Variants in PDE7A observed in about 807,000 individuals in gnomAD.
PDE7A encodes high affinity 3',5'-cyclic-AMP phosphodiesterase 7A.
A neutral mutation model predicts 64.3 loss-of-function variants in PDE7A; 39 were observed. The observed-to-expected ratio is 0.61, with a 90% CI of 0.47 to 0.79. PDE7A has a LOEUF of 0.79. PDE7A is among the 30% of genes least tolerant of loss of function. PDE7A has a pLI of 0.00. For synonymous variants in PDE7A, 203 were observed against 206.8 expected (o/e 0.98, Z 0.16); for missense variants, 470 against 582.8 (o/e 0.81, Z 1.99).
Position 65,841,567 on chromosome 8 carries a change from C to T in PDE7A, c.-59G>A, listed in dbSNP as rs564107236. On this transcript the variant is annotated 5_prime_UTR_variant, in exon 1 of 13. Transcript: ENST00000401827. ...GCCCTGCCGCGGCCGCCGGCCCCTGCAGTGGGAGGGGGCCGCGGCTCGGGG... is the reference window on the plus strand; with the variant it reads ...GCCCTGCCGCGGCCGCCGGCCCCTGTAGTGGGAGGGGGCCGCGGCTCGGGG... 108 of 1,144,272 alleles carry T rather than the reference C, an allele frequency of 9.4e-5. No homozygotes were observed. The African/African-American group carries it at 1.6e-3, about 17-fold the overall frequency. The allele number at this position is 1,144,272 out of a possible 1,614,324, so 70.9% of individuals were successfully genotyped here.
intron 1 of PDE7A, among the ~76,000 whole-genome samples, chr8:65,827,748 C>G (rs1275287990): frequency 3.9e-5 from 6 of 152,162 alleles, no homozygotes; most frequent in African/African-American, 1.4e-4. Flanking sequence ...TACAGGTTTG[C>G]AGCCTAGAAG....
intron 1 of PDE7A, among the ~76,000 whole-genome samples, chr8:65,789,408 T>G (rs1809642135): frequency 6.6e-6 from 1 of 152,244 alleles, no homozygotes; most frequent in African/African-American, 2.4e-5. Context: ...CCTGTGACAT[T>G]TTAAAATATT....
At position 65,724,125 on chromosome 8, in the gene PDE7A, T is replaced by C. The variant is rs1010491727; in HGVS notation, c.1162+130A>G. 7 of 588,452 alleles carry C rather than the reference T, an allele frequency of 1.2e-5. No individual in the cohort carries two copies. The African/African-American group carries it at 1.3e-4, about 11-fold the overall frequency. 36.5% of individuals were successfully genotyped at this position (588,452 alleles called of 1,614,324 possible). ...TTTGTATTGATTAGATGTATATCTATTGTGAATTGTTACTAAAAATGTCAA... is the reference window on the plus strand; with the variant it reads ...TTTGTATTGATTAGATGTATATCTACTGTGAATTGTTACTAAAAATGTCAA... On this transcript the variant is annotated intron_variant, in intron 11 of 12. Transcript: ENST00000401827.
intron 7 of PDE7A, 135 bp downstream of exon 7, chr8:65,734,659 A>G: frequency 1.7e-6 from 1 of 587,326 alleles, no homozygotes; most frequent in Non-Finnish European, 3.1e-6. Flanking sequence ...CAGAAACTTG[A>G]TCCAGCTAGA....
intron 1 of PDE7A, among the ~76,000 whole-genome samples, chr8:65,798,905 C>A (rs1407139312): frequency 6.6e-6 from 1 of 152,122 alleles, no homozygotes; most frequent in Non-Finnish European, 1.5e-5. Context: ...GAATACTACT[C>A]AGCAATAAGA....
intron 3 of PDE7A, among the ~76,000 whole-genome samples, chr8:65,754,939 T>G (rs980535297): frequency 3.3e-5 from 5 of 149,762 alleles, no homozygotes; most frequent in African/African-American, 1.2e-4. Flanking sequence ...CACTCCAGCC[T>G]GGCGACAGAG....
chr8:65,748,982 T>G (rs1310142110), intron 3 of PDE7A, among the ~76,000 whole-genome samples: 3 of 152,202 alleles, frequency 2.0e-5, no homozygotes, highest in Non-Finnish European at 4.4e-5. Flanking sequence ...CATCTTAATA[T>G]GAACTTCATT....
intron 7 of PDE7A, among the ~76,000 whole-genome samples, chr8:65,729,721 C>T (rs1298737212): frequency 1.3e-5 from 2 of 150,288 alleles, no homozygotes; most frequent in Non-Finnish European, 3.0e-5. Context: ...TACCACCATG[C>T]CTGACTTTTT....
intron 1 of PDE7A, among the ~76,000 whole-genome samples, chr8:65,805,992 C>T (rs1043170966): frequency 1.3e-5 from 2 of 152,142 alleles, no homozygotes; most frequent in Admixed American, 6.6e-5. Context: ...TAAAGCTGCA[C>T]CTAGCACTGT....
intron 5 of PDE7A, among the ~76,000 whole-genome samples, chr8:65,744,566 T>TA (rs1807587689): frequency 6.6e-6 from 1 of 152,142 alleles, no homozygotes; most frequent in Admixed American, 6.5e-5. Context: ...AAACCACCCA[T>TA]ACTCTGTAGA....
intron 3 of PDE7A, among the ~76,000 whole-genome samples, chr8:65,756,124 A>G (rs1158831615): frequency 2.0e-5 from 3 of 152,234 alleles, no homozygotes; most frequent in East Asian, 3.8e-4. Context: ...TTAATGAGAA[A>G]TCAGCTATTA....
intron 1 of PDE7A, among the ~76,000 whole-genome samples, chr8:65,792,386 T>C (rs1400522956): frequency 6.6e-6 from 1 of 152,248 alleles, no homozygotes; most frequent in Non-Finnish European, 1.5e-5. Flanking sequence ...AAAATATGAC[T>C]TTGTTCATTG....
chr8:65,724,361 A>C lies in PDE7A; in HGVS notation c.1066-10T>G, dbSNP rs771769587. 20 of 1,592,026 alleles carry C rather than the reference A, an allele frequency of 1.3e-5. No homozygotes were observed. Among genetic ancestry groups the C allele is most frequent in the Middle Eastern group, 1.7e-4 (1 of 6,016 alleles). On this transcript the variant is annotated splice_polypyrimidine_tract_variant and intron_variant, in intron 10 of 12. Transcript: ENST00000401827. Reference sequence around the variant, plus strand: ...CACATTTCAAAGCCATCTAGCAAACAAAACATTAATATTGTTTTAAGATAT... The same window carrying C: ...CACATTTCAAAGCCATCTAGCAAACCAAACATTAATATTGTTTTAAGATAT...
At chr8:65,733,336 T>G (rs185948522) in intron 7 of PDE7A, among the ~76,000 whole-genome samples, 6 of 152,320 alleles carry the variant, frequency 3.9e-5, no homozygotes, top group Admixed American at 2.6e-4. Context: ...AACCCTTTTG[T>G]GTGCTGCAGA....
intron 1 of PDE7A, among the ~76,000 whole-genome samples, chr8:65,818,263 TA>T (rs1453298628): frequency 6.6e-6 from 1 of 152,166 alleles, no homozygotes. Context: ...CTTTACGTCT[TA>T]TAATTTTTTT....
At chr8:65,816,175 T>C (rs1810396310) in intron 1 of PDE7A, among the ~76,000 whole-genome samples, 1 of 152,164 alleles carries the variant, frequency 6.6e-6, no homozygotes, top group Non-Finnish European at 1.5e-5. Flanking sequence ...AAAACCCACA[T>C]AAACAAAAGC....
intron 3 of PDE7A, among the ~76,000 whole-genome samples, chr8:65,758,882 T>G (rs192371715): frequency 6.6e-6 from 1 of 152,290 alleles, no homozygotes; most frequent in Non-Finnish European, 1.5e-5. Context: ...CCAGCATCAG[T>G]CTCACTTGCC....
At chr8:65,807,408 A>T (rs539024468) in intron 1 of PDE7A, among the ~76,000 whole-genome samples, 1 of 152,208 alleles carries the variant, frequency 6.6e-6, no homozygotes, top group East Asian at 1.9e-4. Flanking sequence ...AAACTCATTT[A>T]TTAGTGCTAA....
At chr8:65,754,902 T>A (rs973326690) in intron 3 of PDE7A, among the ~76,000 whole-genome samples, 8 of 147,410 alleles carry the variant, frequency 5.4e-5, no homozygotes, top group African/African-American at 2.0e-4. Flanking sequence ...GAGGCGGAGG[T>A]TGCAGTGAGC....
Sources: gnomAD v4.1 joint callset for allele counts (sites outside exome capture counted in the v4.1 genomes callset) on GRCh38, gnomAD v4.1.1 for gene constraint, MANE v1.5 for transcripts, NCBI Gene and HGNC (gene_info 2026-07-23, HGNC 2026-07-21) for gene names.